Variants in LEKR1 observed in about 807,000 individuals in gnomAD.
The protein encoded by LEKR1 is leucine, glutamate and lysine rich 1, also known as protein LEKR1.
In LEKR1, 59 loss-of-function variants were observed where a neutral mutation model predicts 72.4. The ratio of observed to expected loss-of-function variants is 0.82; its 90% CI spans 0.66 to 1.01. The LOEUF is 1.01. LEKR1 is among the 50% of genes least tolerant of loss of function. The pLI is 0.00. For synonymous variants in LEKR1, 257 were observed against 263.2 expected, an observed-to-expected ratio of 0.98 and a Z score of 0.23; for missense variants, 728 against 759.2, an observed-to-expected ratio of 0.96 and a Z score of 0.48.
intron 9 of LEKR1, among the ~76,000 whole-genome samples, chr3:157,004,660 T>A (rs1380019984): frequency 2.6e-5 from 4 of 152,044 alleles, no homozygotes; most frequent in Admixed American, 6.5e-5. Flanking sequence ...AACGTGGAAA[T>A]CAAATACAGA....
At chr3:157,036,744 A>C (rs1252927676) in intron 12 of LEKR1, among the ~76,000 whole-genome samples, 4 of 152,252 alleles carry the variant, frequency 2.6e-5, no homozygotes, top group Middle Eastern at 3.4e-3. Context: ...AGACCAAAAG[A>C]ATGGAAGTTT....
chr3:156,898,593 T>A (rs1001493601), intron 3 of LEKR1, among the ~76,000 whole-genome samples: 3 of 152,100 alleles, frequency 2.0e-5, no homozygotes, highest in Non-Finnish European at 4.4e-5. Flanking sequence ...AACCATCCAA[T>A]CTATGCTATT....
chr3:157,002,822 G>T (rs1258309866), intron 9 of LEKR1, among the ~76,000 whole-genome samples: 1 of 152,016 alleles, frequency 6.6e-6, no homozygotes, highest in East Asian at 1.9e-4. Flanking sequence ...CATTAACATT[G>T]TTTGCATCCT....
chr3:156,979,278 A>G lies in LEKR1; in HGVS notation c.827+3A>G, dbSNP rs116955192. The stretch of plus-strand genomic sequence containing the variant: ...GACAACTATAAAGAAATGCTTATGT[A>G]AGATGGAGAATATTAAACAACTTAT... On this transcript the variant is annotated splice_donor_region_variant and intron_variant, in intron 7 of 12. Transcript: ENST00000356539. The G allele has an allele frequency of 1.8e-4, 222 of 1,259,922 alleles. No homozygotes were observed. In the East Asian group the frequency reaches 0.01, roughly 58 times the overall value. The allele number at this position is 1,259,922 out of a possible 1,614,324, so 78.0% of individuals were successfully genotyped here.
intron 9 of LEKR1, among the ~76,000 whole-genome samples, chr3:156,996,114 G>A (rs1731540342): frequency 6.6e-6 from 1 of 151,314 alleles, no homozygotes; most frequent in Non-Finnish European, 1.5e-5. Flanking sequence ...ATGTACCCTG[G>A]GTACATAGTA....
intron 4 of LEKR1, among the ~76,000 whole-genome samples, chr3:156,922,619 G>A (rs1724316311): frequency 6.6e-6 from 1 of 152,132 alleles, no homozygotes; most frequent in South Asian, 2.1e-4. Flanking sequence ...TTCATGATCT[G>A]TGTTTTCCCT....
At chr3:156,964,582 T>G (rs1576909133) in intron 6 of LEKR1, among the ~76,000 whole-genome samples, 1 of 152,282 alleles carries the variant, frequency 6.6e-6, no homozygotes, top group Non-Finnish European at 1.5e-5. Context: ...AGTAGTTTTG[T>G]AGCATGAAAA....
intron 6 of LEKR1, among the ~76,000 whole-genome samples, chr3:156,950,360 C>A (rs1727044675): frequency 6.6e-6 from 1 of 151,242 alleles, no homozygotes; most frequent in African/African-American, 2.4e-5. Context: ...ATAATTTTTT[C>A]TAGTTTTATG....
chr3:156,858,306 A>G (rs912536116), intron 3 of LEKR1, among the ~76,000 whole-genome samples: 1 of 152,118 alleles, frequency 6.6e-6, no homozygotes, highest in Non-Finnish European at 1.5e-5. Flanking sequence ...AAAATAAACA[A>G]ATTTGTCTAT....
chr3:156,907,721 A>G (rs370000600), intron 3 of LEKR1, among the ~76,000 whole-genome samples: 43 of 152,286 alleles, frequency 2.8e-4, no homozygotes, highest in African/African-American at 9.1e-4. Context: ...ACTTCCCACA[A>G]TGTTAGCACT....
At chr3:156,986,567 A>T (rs1730707913) in intron 7 of LEKR1, among the ~76,000 whole-genome samples, 1 of 152,170 alleles carries the variant, frequency 6.6e-6, no homozygotes, top group South Asian at 2.1e-4. Flanking sequence ...GACGGGCTTG[A>T]TCCTTTTTGC....
intron 9 of LEKR1, among the ~76,000 whole-genome samples, chr3:156,997,621 G>C (rs910663609): frequency 2.0e-5 from 3 of 152,170 alleles, no homozygotes; most frequent in Admixed American, 6.6e-5. Flanking sequence ...CACTGACTTT[G>C]TGTGCTTTCA....
chr3:157,020,458 G>A (rs2108030484), intron 10 of LEKR1, among the ~76,000 whole-genome samples: 1 of 115,096 alleles, frequency 8.7e-6, no homozygotes, highest in South Asian at 3.2e-4. Context: ...TCCCCAGAGT[G>A]TGATGTTCCC....
At chr3:156,899,665 TACAC>T (rs1348142812) in intron 3 of LEKR1, among the ~76,000 whole-genome samples, 2 of 139,040 alleles carry the variant, frequency 1.4e-5, no homozygotes, top group African/African-American at 5.4e-5. Flanking sequence ...CACGCATATA[TACAC>T]ATATATACAC....
chr3:156,928,143 A>T (rs62275808), intron 5 of LEKR1, among the ~76,000 whole-genome samples: 1 of 152,028 alleles, frequency 6.6e-6, no homozygotes, highest in Non-Finnish European at 1.5e-5. Context: ...TGAGTTCCAG[A>T]CAGAGGATAA....
At chr3:156,873,525 A>G (rs1197756125) in intron 3 of LEKR1, among the ~76,000 whole-genome samples, 1 of 151,508 alleles carries the variant, frequency 6.6e-6, no homozygotes, top group Admixed American at 6.6e-5. Context: ...CGGTTTGGTG[A>G]TATTCTGTAA....
In LEKR1 at chr3:156,971,370, C is replaced by G. The variant is rs373958203; in HGVS notation, c.746-7824C>G. ...TGGATTAAAGACTTAAATGTTGGAC[C>G]TGAAACCATAAAAACCCTAGAAGAA... is the stretch of plus-strand genomic sequence containing the variant. On this transcript the variant is annotated intron_variant, in intron 6 of 12. Transcript: ENST00000356539. Among the ~76,000 whole-genome samples, 112 of 152,246 alleles carry G rather than the reference C, an allele frequency of 7.4e-4. 1 individual carries two copies. In the South Asian group the frequency reaches 0.023, roughly 31 times the overall value.
chr3:157,031,648 T>C (rs2108039957), intron 12 of LEKR1, among the ~76,000 whole-genome samples: 1 of 152,160 alleles, frequency 6.6e-6, no homozygotes, highest in South Asian at 2.1e-4. Context: ...TTTTTGAAAA[T>C]GCATTCCAGA....
At chr3:156,899,645 CACATATATACACGCATATAT>C (rs1560064775) in intron 3 of LEKR1, among the ~76,000 whole-genome samples, 7 of 138,668 alleles carry the variant, frequency 5.0e-5, no homozygotes, top group Non-Finnish European at 1.1e-4. Context: ...CGCATATATA[CACATATATACACGCATATAT>C]ACACATATAT....
Sources: allele counts gnomAD v4.1 joint callset (sites outside exome capture counted in the v4.1 genomes callset), GRCh38; gene constraint gnomAD v4.1.1; transcripts MANE v1.5; gene names NCBI Gene and HGNC (gene_info 2026-07-23, HGNC 2026-07-21).